The following CCPG1 variants were observed in gnomAD, a reference collection of about 807,000 sequenced individuals.
CCPG1 encodes cell cycle progression 1, also known as cell cycle progression protein 1.
In CCPG1, 46 loss-of-function variants were observed where a neutral mutation model predicts 81.3. The ratio of observed to expected loss-of-function variants is 0.57; its 90% CI spans 0.45 to 0.72. The LOEUF (loss-of-function observed/expected upper bound fraction) is 0.72, where lower values mean the gene tolerates loss of function less well. Among genes scored for constraint, CCPG1 ranks in the 30% least tolerant of loss-of-function variants. The pLI is 0.00. For missense variants in CCPG1, 902 were observed against 937.6 expected (o/e 0.96, Z 0.50); for synonymous variants, 330 against 305.2 (o/e 1.08, Z -0.85).
chr15:55,403,782 A>G (rs1442923666), intron 1 of CCPG1, among the ~76,000 whole-genome samples: 1 of 152,210 alleles, frequency 6.6e-6, no homozygotes, highest in Admixed American at 6.5e-5. Context: ...CTTCACCACA[A>G]AGAAACACAA....
At chr15:55,371,423 GAT>G (rs2056446598) in intron 6 of CCPG1, among the ~76,000 whole-genome samples, 1 of 152,146 alleles carries the variant, frequency 6.6e-6, no homozygotes, top group Non-Finnish European at 1.5e-5. Flanking sequence ...TTTCAACTGG[GAT>G]TTAAATAATC....
At chr15:55,378,181 A>C (rs955178129) in intron 4 of CCPG1, 119 bp downstream of exon 4, 9 of 567,716 alleles carry the variant, frequency 1.6e-5, no homozygotes, top group African/African-American at 1.5e-4. Context: ...TCTAACTTAG[A>C]AGTCAAAATT....
At chr15:55,362,321 A>G (rs1233531422) in intron 7 of CCPG1, among the ~76,000 whole-genome samples, 1 of 145,722 alleles carries the variant, frequency 6.9e-6, no homozygotes, top group Admixed American at 6.7e-5. Context: ...CTGGATTCAG[A>G]AATAAGAAAA....
chr15:55,355,408 A>T lies in CCPG1; in HGVS notation c.*812T>A. 6.2e-7 allele frequency: 1 copy of T among 1,607,748 alleles called. No homozygotes were observed. The highest frequency in any genetic ancestry group is 1.1e-5 in the South Asian group (1 of 89,446). On this transcript the variant is annotated 3_prime_UTR_variant, in exon 9 of 9. Transcript: ENST00000442196. ...TCTATGAACGGAAGTTAAAAGGGAA[A>T]TTCAACATGAAGATGAAATTCTGAA...
chr15:55,355,683 G>A lies in CCPG1; in HGVS notation c.*537C>T. ...TTTATTGTTTCTTCCACGATATTCA[G>A]ATGTGCAAAAAATTTCACAAGAAAA... On this transcript the variant is annotated 3_prime_UTR_variant, in exon 9 of 9. Coordinates refer to ENST00000442196, the MANE Select transcript of CCPG1 (RefSeq NM_001204450.2). The A allele has an allele frequency of 3.3e-6, 1 of 300,050 alleles. No individual in the cohort carries two copies. Among genetic ancestry groups the A allele is most frequent in the East Asian group, 6.1e-5 (1 of 16,310 alleles). 18.6% of individuals were successfully genotyped at this position (300,050 alleles called of 1,614,324 possible).
chr15:55,368,028 C>T (rs16976298), intron 6 of CCPG1, among the ~76,000 whole-genome samples: 8,277 of 152,178 alleles, frequency 0.054, 289 homozygotes, highest in East Asian at 0.15. Flanking sequence ...GATTCCAAGA[C>T]GTTTTACAAT....
intron 3 of CCPG1, among the ~76,000 whole-genome samples, chr15:55,379,679 T>C (rs778222939): frequency 2.6e-5 from 4 of 151,970 alleles, no homozygotes; most frequent in Non-Finnish European, 4.4e-5. Flanking sequence ...ATAATTTTTT[T>C]TAAAAAAGAA....
chr15:55,374,287 CT>C, intron 5 of CCPG1: 1 of 1,095,750 alleles, frequency 9.1e-7, no homozygotes, highest in Non-Finnish European at 1.2e-6. Flanking sequence ...AGGCATAAAG[CT>C]ATATTATAAA....
At chr15:55,381,934 A>G (rs1486967911) in intron 3 of CCPG1, among the ~76,000 whole-genome samples, 2 of 152,256 alleles carry the variant, frequency 1.3e-5, no homozygotes, top group African/African-American at 4.8e-5. Context: ...TTCCCTGTCC[A>G]TGTAAAAGTT....
rs760002217 is a variant in CCPG1 at position 55,378,283 on chromosome 15, G to T, written c.252+17C>A. On this transcript the variant is annotated intron_variant, in intron 4 of 8. Coordinates refer to ENST00000442196, the MANE Select transcript of CCPG1 (RefSeq NM_001204450.2). The stretch of plus-strand genomic sequence containing the variant: ...ATACTATTTAACATATATCCACAGT[G>T]TAAAATACAAGTTTACCTCAATTGT... 1.3e-6 allele frequency: 2 copies of T among 1,517,888 alleles called. No homozygotes were observed. The highest frequency in any genetic ancestry group is 9.1e-7 in the Non-Finnish European group (1 of 1,094,918). 94.0% of individuals were successfully genotyped at this position (1,517,888 alleles called of 1,614,324 possible). A position where few individuals can be genotyped will look rare whatever the true frequency, so the allele number is the denominator to read the frequency against.
intron 1 of CCPG1, among the ~76,000 whole-genome samples, chr15:55,391,895 G>GGGC (rs1555409792): frequency 2.5e-5 from 3 of 121,238 alleles, no homozygotes; most frequent in East Asian, 3.0e-4. Flanking sequence ...AAAGGGGGGG[G>GGGC]GGGGCTAGGT....
intron 1 of CCPG1, among the ~76,000 whole-genome samples, chr15:55,403,518 C>T (rs1238555004): frequency 1.3e-5 from 2 of 152,042 alleles, no homozygotes; most frequent in Non-Finnish European, 2.9e-5. Flanking sequence ...AAAGAGGTTT[C>T]CACACATTAA....
intron 1 of CCPG1, among the ~76,000 whole-genome samples, chr15:55,393,752 C>G (rs1224363445): frequency 6.6e-6 from 1 of 150,826 alleles, no homozygotes; most frequent in Non-Finnish European, 1.5e-5. Context: ...TAGGCCGATT[C>G]ACACTTCAGC....
chr15:55,391,897 G>T (rs1436839755), intron 1 of CCPG1, among the ~76,000 whole-genome samples: 1 of 130,306 alleles, frequency 7.7e-6, no homozygotes, highest in Non-Finnish European at 1.6e-5. Context: ...AGGGGGGGGG[G>T]GGCTAGGTGT....
At chr15:55,373,949 C>G (rs928895296) in intron 5 of CCPG1, among the ~76,000 whole-genome samples, 8 of 152,192 alleles carry the variant, frequency 5.3e-5, no homozygotes, top group Admixed American at 5.2e-4. Flanking sequence ...TGATTTTTAA[C>G]TTCTTTTAAA....
Position 55,355,259 on chromosome 15 carries a change from TTTAC to T in CCPG1, c.*957_*960del. 1.3e-6 allele frequency: 2 copies of T among 1,571,644 alleles called. No homozygotes were observed. The highest frequency in any genetic ancestry group is 2.2e-5 in the East Asian group (1 of 44,686). On this transcript the variant is annotated 3_prime_UTR_variant, in exon 9 of 9. Transcript: ENST00000442196. ...AGTACTCAGCAAAATGTAGCCTTTA[TTTAC>T]TTAAACATTTATTTGCTTCTAGGAA...
chr15:55,392,414 C>A (rs1036016426), intron 1 of CCPG1, among the ~76,000 whole-genome samples: 2 of 151,566 alleles, frequency 1.3e-5, no homozygotes, highest in African/African-American at 4.8e-5. Flanking sequence ...GTTTCACCAT[C>A]TCTACTAAAG....
In CCPG1 at chr15:55,359,702, T is replaced by G. The variant is rs760416126; in HGVS notation, c.2071A>C (p.Ile691Leu). The G allele has an allele frequency of 6.2e-6, 10 of 1,613,664 alleles. No homozygotes were observed. Reference sequence around the variant, plus strand: ...TCAGTGAAGAGCTTCTGATCATGTATAAAGACACCGTTTAGGAAAAACTTA... The same window carrying G: ...TCAGTGAAGAGCTTCTGATCATGTAGAAAGACACCGTTTAGGAAAAACTTA... ...INKFFLNGVFIHDQKLFTDFV... is the reference protein window; with the variant it reads ...INKFFLNGVFLHDQKLFTDFV... The change falls in exon 8 of 9, where the codon ATA (isoleucine) becomes CTA (leucine). Residue 691 changes from isoleucine (I) to leucine (L), a missense_variant. Transcript: ENST00000442196.
intron 2 of CCPG1, among the ~76,000 whole-genome samples, chr15:55,386,666 G>T (rs909377328): frequency 1.3e-5 from 2 of 152,112 alleles, no homozygotes; most frequent in African/African-American, 4.8e-5. Context: ...AGCCTGAGGC[G>T]GGCGGATCAC....
Sources: gnomAD v4.1 joint callset for allele counts (sites outside exome capture counted in the v4.1 genomes callset) on GRCh38, gnomAD v4.1.1 for gene constraint, MANE v1.5 for transcripts, NCBI Gene and HGNC (gene_info 2026-07-23, HGNC 2026-07-21) for gene names.